The following CCDC91 variants were observed in gnomAD, a reference collection of about 807,000 sequenced individuals.
CCDC91 encodes the protein coiled-coil domain containing 91.
CCDC91 carries 48 observed loss-of-function variants against 63.2 expected under a neutral mutation model. That is an observed-to-expected ratio of 0.76 (90% CI 0.60 to 0.97). The LOEUF is 0.97. Among genes scored for constraint, CCDC91 ranks in the 50% least tolerant of loss-of-function variants. The pLI is 0.00. For synonymous variants in CCDC91, 167 were observed against 165.8 expected (o/e 1.01, Z -0.06); for missense variants, 500 against 494.6 (o/e 1.01, Z -0.10).
intron 10 of CCDC91, 115 bp downstream of exon 10, chr12:28,450,533 A>C (rs1555216239): frequency 8.3e-6 from 6 of 723,020 alleles, no homozygotes; most frequent in Non-Finnish European, 7.0e-6. Context: ...AATCGTTTTT[A>C]TTTCTTTTAT....
chr12:28,501,762 A>G (rs1937908857), intron 12 of CCDC91, among the ~76,000 whole-genome samples: 2 of 151,832 alleles, frequency 1.3e-5, no homozygotes, highest in African/African-American at 4.8e-5. Context: ...TATTGATTGG[A>G]ATAGTTTCAG....
chr12:28,427,061 G>A (rs1158787630), intron 8 of CCDC91, among the ~76,000 whole-genome samples: 2 of 152,076 alleles, frequency 1.3e-5, no homozygotes, highest in Non-Finnish European at 2.9e-5. Context: ...CTTATACAGA[G>A]ACTTACAGCT....
chr12:28,490,660 T>G (rs914454116), intron 12 of CCDC91, among the ~76,000 whole-genome samples: 4 of 151,890 alleles, frequency 2.6e-5, no homozygotes, highest in African/African-American at 4.8e-5. Context: ...AAACAGATTT[T>G]AAAGGTTTTA....
intron 11 of CCDC91, among the ~76,000 whole-genome samples, chr12:28,465,992 A>C (rs906498405): frequency 6.6e-6 from 1 of 152,180 alleles, no homozygotes. Flanking sequence ...AAAAACAATC[A>C]AGCAGAAACT....
intron 3 of CCDC91, among the ~76,000 whole-genome samples, chr12:28,288,184 G>A (rs1949020068): frequency 6.6e-6 from 1 of 152,108 alleles, no homozygotes; most frequent in Non-Finnish European, 1.5e-5. Flanking sequence ...TTATTTGGAT[G>A]TACTTTATTT....
chr12:28,202,003 C>CGGGAGA (rs374392732), intron 1 of CCDC91, among the ~76,000 whole-genome samples: 60 of 152,040 alleles, frequency 3.9e-4, no homozygotes, highest in East Asian at 3.5e-3. Flanking sequence ...GGCTCGGCAT[C>CGGGAGA]GGGAGAGGGA....
intron 8 of CCDC91, among the ~76,000 whole-genome samples, chr12:28,444,134 TG>T (rs1263529106): frequency 6.6e-6 from 1 of 152,182 alleles, no homozygotes; most frequent in African/African-American, 2.4e-5. Flanking sequence ...ATGGAATTGT[TG>T]TGCTAAAGAA....
At chr12:28,473,737 ACTTT>A (rs1950939092) in intron 11 of CCDC91, among the ~76,000 whole-genome samples, 1 of 152,084 alleles carries the variant, frequency 6.6e-6, no homozygotes, top group Non-Finnish European at 1.5e-5. Context: ...AAAATCATTT[ACTTT>A]GTTTTTTAAT....
chr12:28,205,128 A>G (rs537716221), intron 1 of CCDC91, among the ~76,000 whole-genome samples: 1 of 152,100 alleles, frequency 6.6e-6, no homozygotes, highest in Non-Finnish European at 1.5e-5. Context: ...ACTCTTTCAG[A>G]TATTGCTCAT....
chr12:28,281,970 T>C (rs576430340), intron 3 of CCDC91, among the ~76,000 whole-genome samples: 1 of 152,244 alleles, frequency 6.6e-6, no homozygotes, highest in African/African-American at 2.4e-5. Flanking sequence ...TGTAAACTGT[T>C]GAATTGAAAT....
At chr12:28,193,065 T>A (rs1054666413) in intron 1 of CCDC91, among the ~76,000 whole-genome samples, 2 of 152,368 alleles carry the variant, frequency 1.3e-5, no homozygotes, top group South Asian at 4.1e-4. Context: ...GATGCATGTT[T>A]GTTGATGCTT....
intron 1 of CCDC91, among the ~76,000 whole-genome samples, chr12:28,242,917 A>G (rs1945442395): frequency 6.6e-6 from 1 of 152,064 alleles, no homozygotes; most frequent in African/African-American, 2.4e-5. Context: ...TACTTCTGAC[A>G]TGTAAGAGGT....
Position 28,544,024 on chromosome 12 carries a change from C to T in CCDC91, c.1216-5039C>T, listed in dbSNP as rs116027008. The stretch of plus-strand genomic sequence containing the variant: ...CTCCTAGCTGGCTTTTCTTCTTCCA[C>T]TCTTGTCCCGCTACAGTCTGTTTTC... On this transcript the variant is annotated intron_variant, in intron 12 of 12. Coordinates refer to ENST00000536442, the MANE Select transcript of CCDC91 (RefSeq NM_018318.5). Among the ~76,000 whole-genome samples, 1,450 of 151,886 alleles carry T rather than the reference C, an allele frequency of 9.5e-3. 30 individuals carry two copies. The highest frequency in any genetic ancestry group is 0.034 in the African/African-American group (1,411 of 41,462).
chr12:28,277,879 A>G (rs941283100), intron 3 of CCDC91, among the ~76,000 whole-genome samples: 16 of 151,996 alleles, frequency 1.1e-4, no homozygotes, highest in African/African-American at 3.6e-4. Flanking sequence ...GTGATCTGGT[A>G]GTAGCCAGAC....
At chr12:28,349,512 T>C (rs192153425) in intron 6 of CCDC91, among the ~76,000 whole-genome samples, 88 of 152,296 alleles carry the variant, frequency 5.8e-4, no homozygotes, top group African/African-American at 1.8e-3. Context: ...GGCCTCATGC[T>C]TGGTTTAATC....
At chr12:28,379,038 T>G (rs1381598032) in intron 7 of CCDC91, among the ~76,000 whole-genome samples, 9 of 152,170 alleles carry the variant, frequency 5.9e-5, no homozygotes, top group Middle Eastern at 3.4e-3. Context: ...AAGCTTGCCT[T>G]TATACTGTGA....
chr12:28,241,364 G>A (rs1019807853), intron 1 of CCDC91, among the ~76,000 whole-genome samples: 8 of 152,064 alleles, frequency 5.3e-5, no homozygotes, highest in African/African-American at 1.9e-4. Flanking sequence ...TAGAATTTGT[G>A]TACTATCTAC....
Position 28,268,421 on chromosome 12 carries a change from A to G in CCDC91, c.109+8979A>G, listed in dbSNP as rs549501283. On this transcript the variant is annotated intron_variant, in intron 3 of 12. Coordinates refer to ENST00000536442, the MANE Select transcript of CCDC91 (RefSeq NM_018318.5). ...TGGAAAATTAACAAACTATAGCTAC[A>G]TATTAACAACATGGAAGAATCTCAT... Among the ~76,000 whole-genome samples, 52 of 152,262 alleles carry G rather than the reference A, an allele frequency of 3.4e-4. 1 individual carries two copies. Among genetic ancestry groups the G allele is most frequent in the South Asian group, 1.0e-3 (5 of 4,828 alleles).
intron 7 of CCDC91, among the ~76,000 whole-genome samples, chr12:28,376,318 T>C (rs1944942772): frequency 1.3e-5 from 2 of 151,906 alleles, no homozygotes; most frequent in South Asian, 2.1e-4. Context: ...TTGTATCCCA[T>C]TGAAATTACT....
Sources: allele counts gnomAD v4.1 joint callset (sites outside exome capture counted in the v4.1 genomes callset), GRCh38; gene constraint gnomAD v4.1.1; transcripts MANE v1.5; gene names NCBI Gene and HGNC (gene_info 2026-07-23, HGNC 2026-07-21).